The following RSPO4 variants were observed in gnomAD, a reference collection of about 807,000 sequenced individuals.
RSPO4 encodes the protein R-spondin 4.
In RSPO4, 23 loss-of-function variants were observed where a neutral mutation model predicts 24.8. The observed-to-expected ratio is 0.93, with a 90% CI of 0.67 to 1.31. RSPO4 has a LOEUF of 1.31. Among genes scored for constraint, RSPO4 ranks in the 40% most tolerant of loss-of-function variants. RSPO4 has a pLI of 0.00. For synonymous variants in RSPO4, 141 were observed against 127.4 expected (o/e 1.11, Z -0.72); for missense variants, 333 against 316.5 (o/e 1.05, Z -0.39).
intron 1 of RSPO4, among the ~76,000 whole-genome samples, chr20:971,673 T>A (rs926480938): frequency 5.3e-5 from 8 of 152,188 alleles, no homozygotes; most frequent in South Asian, 2.1e-4. Context: ...AAAGCAATAT[T>A]TTGTAGCATT....
At chr20:989,147 T>A (rs1214662611) in intron 1 of RSPO4, among the ~76,000 whole-genome samples, 1 of 152,032 alleles carries the variant, frequency 6.6e-6, no homozygotes, top group East Asian at 1.9e-4. Flanking sequence ...AAGTTGAGAA[T>A]AGGTAGTAGA....
At position 964,069 on chromosome 20, in the gene RSPO4, C is replaced by T. The variant is rs560532338; in HGVS notation, c.461G>A (p.Gly154Glu). The T allele has an allele frequency of 2.5e-6, 4 of 1,613,898 alleles. No homozygotes were observed. The highest frequency in any genetic ancestry group is 2.2e-5 in the South Asian group (2 of 91,070). Residue 154 changes from glycine to glutamate, a missense_variant, in exon 4 of 5, where the codon GGA becomes GAA. Gly to Glu is a moderately conservative substitution (Grantham distance 98). Coordinates refer to ENST00000217260, the MANE Select transcript of RSPO4 (RefSeq NM_001029871.4). ...GCCCCAAGCCGAGCCGCAGGTCTTT[C>T]CATTGTGTGTGCAGGGGCTCCAGCC... Reference protein sequence around the residue: ...WGGWSPCTHNGKTCGSAWGLE... With the variant: ...WGGWSPCTHNEKTCGSAWGLE...
chr20:1,001,929 C>A (rs940023441), intron 1 of RSPO4, among the ~76,000 whole-genome samples, 157 bp downstream of exon 1: 3 of 152,180 alleles, frequency 2.0e-5, no homozygotes, highest in African/African-American at 7.2e-5. Context: ...GCCTCAATCT[C>A]CCCATCTTAA....
intron 1 of RSPO4, among the ~76,000 whole-genome samples, chr20:999,235 G>A (rs6118557): frequency 0.28 from 42,287 of 151,926 alleles, 11,271 homozygotes; most frequent in African/African-American, 0.7. Flanking sequence ...GGCTGGTCTC[G>A]AACTCCTGAG....
chr20:990,522 C>CTCCT (rs71219803), intron 1 of RSPO4, among the ~76,000 whole-genome samples: 47,236 of 149,214 alleles, frequency 0.32, 13,114 homozygotes, highest in African/African-American at 0.75. Context: ...CCCTCCCTCC[C>CTCCT]TCCTTCCTTC....
intron 1 of RSPO4, among the ~76,000 whole-genome samples, chr20:1,000,719 C>A (rs1985433977): frequency 1.3e-5 from 2 of 152,174 alleles, no homozygotes; most frequent in Admixed American, 1.3e-4. Context: ...AGAGCCCATG[C>A]CCCTAACTAC....
At chr20:968,359 A>C (rs558348841) in intron 1 of RSPO4, among the ~76,000 whole-genome samples, 32 of 152,374 alleles carry the variant, frequency 2.1e-4, no homozygotes, top group South Asian at 6.2e-4. Flanking sequence ...ACTTCAAGAA[A>C]GCTGCCTTAA....
intron 3 of RSPO4, 94 bp downstream of exon 3, chr20:967,080 T>C: frequency 7.8e-7 from 1 of 1,282,502 alleles, no homozygotes; most frequent in African/African-American, 1.5e-5. Context: ...GGCATTCTAC[T>C]GTAATTTCTT....
intron 1 of RSPO4, among the ~76,000 whole-genome samples, chr20:1,000,582 A>G (rs1202085063): frequency 6.6e-6 from 1 of 152,190 alleles, no homozygotes; most frequent in Non-Finnish European, 1.5e-5. Context: ...ATGGAGAAAG[A>G]TCTCAGAGAT....
At chr20:983,089 G>C (rs1302685232) in intron 1 of RSPO4, among the ~76,000 whole-genome samples, 1 of 152,250 alleles carries the variant, frequency 6.6e-6, no homozygotes, top group African/African-American at 2.4e-5. Flanking sequence ...TTCCTAAGAT[G>C]AGCCCGAGTG....
intron 1 of RSPO4, among the ~76,000 whole-genome samples, chr20:976,773 C>G (rs188916947): frequency 6.6e-6 from 1 of 152,042 alleles, no homozygotes; most frequent in African/African-American, 2.4e-5. Flanking sequence ...TTCCTTAATA[C>G]CCAAGCCAGA....
intron 1 of RSPO4, among the ~76,000 whole-genome samples, chr20:985,672 G>A (rs1984898413): frequency 1.3e-5 from 2 of 152,200 alleles, no homozygotes; most frequent in African/African-American, 4.8e-5. Context: ...CTTATTGAGA[G>A]GGGGCCAACT....
At chr20:965,893 A>G (rs959866655) in intron 3 of RSPO4, among the ~76,000 whole-genome samples, 3 of 152,226 alleles carry the variant, frequency 2.0e-5, no homozygotes, top group African/African-American at 7.2e-5. Context: ...GCCTGGCCAT[A>G]GCAGATGCTC....
intron 1 of RSPO4, among the ~76,000 whole-genome samples, chr20:990,048 G>T (rs188286647): frequency 1.3e-5 from 2 of 152,182 alleles, no homozygotes; most frequent in African/African-American, 4.8e-5. Flanking sequence ...ACTGAGGCTC[G>T]GAGAGGTAAA....
chr20:999,828 G>A (rs1024044243), intron 1 of RSPO4, among the ~76,000 whole-genome samples: 25 of 152,072 alleles, frequency 1.6e-4, no homozygotes, highest in African/African-American at 5.3e-4. Context: ...TCTTTTTTGA[G>A]CTGAGAAGCA....
chr20:988,252 G>A (rs1600099129), intron 1 of RSPO4, among the ~76,000 whole-genome samples: 2 of 152,326 alleles, frequency 1.3e-5, no homozygotes, highest in East Asian at 1.9e-4. Context: ...GATTTTCCTG[G>A]AAGTGAGTTG....
At position 967,874 on chromosome 20, in the gene RSPO4, G is replaced by C. The variant is rs1984265743; in HGVS notation, c.268+76C>G. 1.5e-5 allele frequency: 21 copies of C among 1,361,322 alleles called. No homozygotes were observed. In the South Asian group the frequency reaches 2.4e-4, roughly 16 times the overall value. 84.3% of individuals were successfully genotyped at this position (1,361,322 alleles called of 1,614,324 possible). On this transcript the variant is annotated intron_variant, in intron 2 of 4. Transcript: ENST00000217260. Reference sequence around the variant, plus strand: ...ACCTACTTCCCCTCTGTCTGTGCTGGGGTGAAAGGGTGGGATCTAAGCCCA... The same window carrying C: ...ACCTACTTCCCCTCTGTCTGTGCTGCGGTGAAAGGGTGGGATCTAAGCCCA...
At chr20:988,327 G>C (rs1032861951) in intron 1 of RSPO4, among the ~76,000 whole-genome samples, 1 of 152,180 alleles carries the variant, frequency 6.6e-6, no homozygotes, top group African/African-American at 2.4e-5. Context: ...TGGTGCTGAG[G>C]GGAATGGACT....
rs1211890654 is a variant in RSPO4 at position 959,951 on chromosome 20, T to C, written c.*406A>G. The C allele has an allele frequency of 5.1e-6, 1 of 196,194 alleles. No homozygotes were observed. The highest frequency in any genetic ancestry group is 1.0e-5 in the Non-Finnish European group (1 of 95,334). 12.2% of individuals were successfully genotyped at this position (196,194 alleles called of 1,614,324 possible). ...CCTGGGAAAAGATGTTTGCTTTCTT[T>C]AAGTTGTAGATAGAGAAAGCTGCAG... On this transcript the variant is annotated 3_prime_UTR_variant, in exon 5 of 5. Coordinates refer to ENST00000217260, the MANE Select transcript of RSPO4 (RefSeq NM_001029871.4).
Sources: gnomAD v4.1 joint callset for allele counts (sites outside exome capture counted in the v4.1 genomes callset) on GRCh38, gnomAD v4.1.1 for gene constraint, MANE v1.5 for transcripts, NCBI Gene and HGNC (gene_info 2026-07-23, HGNC 2026-07-21) for gene names.